Variants in TMTC1 observed in about 807,000 individuals in gnomAD.
TMTC1 encodes transmembrane O-mannosyltransferase targeting cadherins 1.
A neutral mutation model predicts 104.8 loss-of-function variants in TMTC1; 73 were observed. The observed-to-expected ratio is 0.70, with a 90% CI of 0.58 to 0.85. The LOEUF is 0.85. Ranked by LOEUF, TMTC1 falls within the 40% of genes least tolerant of loss-of-function variation. The probability of loss-of-function intolerance (pLI) is 0.00; values close to 1 mark genes in which losing one functional copy is unlikely to be tolerated. For synonymous variants in TMTC1, 434 were observed against 428.7 expected, an observed-to-expected ratio of 1.01 and a Z score of -0.15; for missense variants, 1,035 against 1,096.1, an observed-to-expected ratio of 0.94 and a Z score of 0.79.
intron 5 of TMTC1, among the ~76,000 whole-genome samples, chr12:29,649,284 T>C (rs1040032218): frequency 1.3e-5 from 2 of 152,212 alleles, no homozygotes; most frequent in Non-Finnish European, 2.9e-5. Context: ...GGGATTTAGA[T>C]CTATGAGGGC....
At chr12:29,733,026 G>A (rs532395338) in intron 5 of TMTC1, among the ~76,000 whole-genome samples, 4 of 152,270 alleles carry the variant, frequency 2.6e-5, no homozygotes, top group South Asian at 2.1e-4. Flanking sequence ...TACAGTGAAC[G>A]TGGACTTGGC....
At position 29,700,577 on chromosome 12, in the gene TMTC1, G is replaced by A. The variant is rs1941559806; in HGVS notation, c.938+51089C>T. ...TAGTCAAATAACAAATGTGAAGATGGTGATACCTTTCTGGAGAGAAGCTGG... is the reference window on the plus strand; with the variant it reads ...TAGTCAAATAACAAATGTGAAGATGATGATACCTTTCTGGAGAGAAGCTGG... On this transcript the variant is annotated intron_variant, in intron 5 of 17. Transcript: ENST00000539277. Among the ~76,000 whole-genome samples, 3 of 152,222 alleles carry A rather than the reference G, an allele frequency of 2.0e-5. No homozygotes were observed. The South Asian group carries it at 6.2e-4, about 32-fold the overall frequency.
At chr12:29,644,084 AATAT>A (rs1232611750) in intron 5 of TMTC1, among the ~76,000 whole-genome samples, 2 of 54,526 alleles carry the variant, frequency 3.7e-5, no homozygotes, top group Non-Finnish European at 6.4e-5. Context: ...GATAAATATA[AATAT>A]AAATATAAAT....
At chr12:29,666,417 T>C (rs1940289981) in intron 5 of TMTC1, 2 of 336,030 alleles carry the variant, frequency 6.0e-6, no homozygotes, top group South Asian at 2.3e-5. Context: ...GTATTTTTAG[T>C]AGAGACGGGG....
At chr12:29,776,280 TAC>T (rs1360924443) in intron 1 of TMTC1, among the ~76,000 whole-genome samples, 1 of 152,208 alleles carries the variant, frequency 6.6e-6, no homozygotes, top group Non-Finnish European at 1.5e-5. Flanking sequence ...CTTCATTCTC[TAC>T]ACAGAGTTAC....
In TMTC1 at chr12:29,775,659, C is replaced by T. The variant is rs1592042434; in HGVS notation, c.303-7584G>A. Reference sequence around the variant, plus strand: ...GGGAAGTTCAAGCAAACTTCAGTGTCCAGAGTTTTTATTGGGGGTCCCAGT... The same window carrying T: ...GGGAAGTTCAAGCAAACTTCAGTGTTCAGAGTTTTTATTGGGGGTCCCAGT... On this transcript the variant is annotated intron_variant, in intron 1 of 17. Transcript: ENST00000539277. Among the ~76,000 whole-genome samples the T allele has an allele frequency of 2.0e-5, 3 of 152,118 alleles. No individual in the cohort carries two copies. In the South Asian group the frequency reaches 6.2e-4, roughly 31 times the overall value.
intron 6 of TMTC1, among the ~76,000 whole-genome samples, chr12:29,610,178 A>T (rs2136424458): frequency 6.6e-6 from 1 of 152,316 alleles, no homozygotes; most frequent in South Asian, 2.1e-4. Flanking sequence ...ACACGGGGAC[A>T]GGGCAGAAAT....
At position 29,770,385 on chromosome 12, in the gene TMTC1, A is replaced by G. The variant is rs189375168; in HGVS notation, c.303-2310T>C. On this transcript the variant is annotated intron_variant, in intron 1 of 17. Transcript: ENST00000539277. ...TCCATGTTATTTCTTGAACTTAGTC[A>G]AAATCTGAAAAAATACTTCTGTAAG... Among the ~76,000 whole-genome samples, 747 of 152,294 alleles carry G rather than the reference A, an allele frequency of 4.9e-3. 7 individuals are homozygous for G. The highest frequency in any genetic ancestry group is 0.017 in the African/African-American group (709 of 41,574).
chr12:29,561,805 C>A (rs1275548385), intron 9 of TMTC1, among the ~76,000 whole-genome samples: 2 of 152,192 alleles, frequency 1.3e-5, no homozygotes, highest in Admixed American at 1.3e-4. Context: ...GGAGAATACA[C>A]ACCCTGATTT....
At chr12:29,509,377 C>G (rs7305799) in intron 17 of TMTC1, among the ~76,000 whole-genome samples, 16,098 of 152,196 alleles carry the variant, frequency 0.11, 1,047 homozygotes, top group Non-Finnish European at 0.15. Flanking sequence ...GACATTTGCT[C>G]CTCTCTCCCC....
chr12:29,654,362 C>T (rs1240301715), intron 5 of TMTC1, among the ~76,000 whole-genome samples: 1 of 152,034 alleles, frequency 6.6e-6, no homozygotes, highest in Non-Finnish European at 1.5e-5. Flanking sequence ...CATCATTAGC[C>T]ACCAGGGAAA....
chr12:29,740,597 GATATAGAT>G (rs1454567751), intron 5 of TMTC1, among the ~76,000 whole-genome samples: 1 of 152,014 alleles, frequency 6.6e-6, no homozygotes, highest in Admixed American at 6.6e-5. Flanking sequence ...CTCCCCTTTA[GATATAGAT>G]ATATAGATAC....
At chr12:29,762,190 A>G (rs1251273324) in intron 2 of TMTC1, among the ~76,000 whole-genome samples, 1 of 152,056 alleles carries the variant, frequency 6.6e-6, no homozygotes, top group Non-Finnish European at 1.5e-5. Context: ...AAAACTTAAA[A>G]ACAAAATAAG....
intron 5 of TMTC1, among the ~76,000 whole-genome samples, chr12:29,747,738 T>C (rs921839292): frequency 1.3e-5 from 2 of 152,226 alleles, no homozygotes; most frequent in Admixed American, 1.3e-4. Context: ...ATGACGCTGC[T>C]GGCTTCCATG....
chr12:29,723,934 A>G (rs1942309657), intron 5 of TMTC1, among the ~76,000 whole-genome samples: 1 of 152,214 alleles, frequency 6.6e-6, no homozygotes, highest in Non-Finnish European at 1.5e-5. Flanking sequence ...AAGACCTTAG[A>G]CTTAAAAGTC....
intron 17 of TMTC1, among the ~76,000 whole-genome samples, chr12:29,511,470 T>C (rs970123530): frequency 2.6e-5 from 4 of 152,162 alleles, no homozygotes; most frequent in African/African-American, 4.8e-5. Flanking sequence ...GAATCGTTCA[T>C]TGCATTAGTT....
At position 29,512,071 on chromosome 12, in the gene TMTC1, A is replaced by G. The variant is rs1308689686; in HGVS notation, c.2480T>C (p.Met827Thr). ...QLNPDQAQAWMNMGGIQHIKG... is the reference protein window; with the variant it reads ...QLNPDQAQAWTNMGGIQHIKG... Reference sequence around the variant, plus strand: ...GATGTGTTGGATGCCACCCATGTTCATCCAGGCCTGTGCTTGGTCTGGGTT... The same window carrying G: ...GATGTGTTGGATGCCACCCATGTTCGTCCAGGCCTGTGCTTGGTCTGGGTT... Residue 827 changes from methionine (M) to threonine (T), a missense_variant, in exon 17 of 18, where the codon ATG becomes ACG. Transcript: ENST00000539277. The G allele has an allele frequency of 6.2e-7, 1 of 1,614,152 alleles. No homozygotes were observed. Among genetic ancestry groups the G allele is most frequent in the Non-Finnish European group, 8.5e-7 (1 of 1,179,992 alleles).
intron 17 of TMTC1, among the ~76,000 whole-genome samples, chr12:29,507,562 G>T (rs1943726794): frequency 6.6e-6 from 1 of 152,146 alleles, no homozygotes; most frequent in Admixed American, 6.5e-5. Flanking sequence ...ACTACTGCAG[G>T]TTTGCAGCAG....
At position 29,503,541 on chromosome 12, in the gene TMTC1, A is replaced by G. The variant is rs1943638059; in HGVS notation, c.*3305T>C. 6.6e-6 allele frequency: 1 copy of G among 152,126 alleles called. No individual in the cohort carries two copies. Among genetic ancestry groups the G allele is most frequent in the Admixed American group, 6.5e-5 (1 of 15,284 alleles). 9.4% of individuals were successfully genotyped at this position (152,126 alleles called of 1,614,324 possible). ...AGAACTGATTCTAGGCACAAAAAAA[A>G]GGAGAGGTTAGATGGACTGGAAAAA... On this transcript the variant is annotated 3_prime_UTR_variant, in exon 18 of 18. Coordinates refer to ENST00000539277, the MANE Select transcript of TMTC1 (RefSeq NM_001193451.2).
Sources: allele counts gnomAD v4.1 joint callset (sites outside exome capture counted in the v4.1 genomes callset), GRCh38; gene constraint gnomAD v4.1.1; transcripts MANE v1.5; gene names NCBI Gene and HGNC (gene_info 2026-07-23, HGNC 2026-07-21).